The following PXDN variants were observed in gnomAD, a reference collection of about 807,000 sequenced individuals.
PXDN encodes peroxidasin.
A neutral mutation model predicts 140.3 loss-of-function variants in PXDN; 77 were observed. The observed-to-expected ratio is 0.55, with a 90% CI of 0.46 to 0.66. The LOEUF (loss-of-function observed/expected upper bound fraction) is 0.66, where lower values mean the gene tolerates loss of function less well. Ranked by LOEUF, PXDN falls within the 30% of genes least tolerant of loss-of-function variation. The probability of loss-of-function intolerance (pLI) is 0.00; values close to 1 mark genes in which losing one functional copy is unlikely to be tolerated. For missense variants in PXDN, 1,838 were observed against 2,039.5 expected (o/e 0.90, Z 1.90); for synonymous variants, 911 against 857.4 (o/e 1.06, Z -1.09).
chr2:1,649,315 C>A lies in PXDN; in HGVS notation c.2465G>T (p.Gly822Val). The A allele has an allele frequency of 6.2e-7, 1 of 1,613,698 alleles. No homozygotes were observed. Among genetic ancestry groups the A allele is most frequent in the South Asian group, 1.1e-5 (1 of 91,064 alleles). ...GTCGAGGTCGTGGTCCAGGAACTGG[C>A]CCCACTGCATCAGCATGTGGGTGAA... is the stretch of plus-strand genomic sequence containing the variant. ...EQFTHMLMQWGQFLDHDLDST... is the reference protein window; with the variant it reads ...EQFTHMLMQWVQFLDHDLDST... The change falls in exon 17 of 23, where the codon GGC becomes GTC. Residue 822 changes from glycine to valine, a missense_variant. Around this residue, in one of 5 missense-constraint regions of PXDN, gnomAD observed 12 missense variants for 34.2 expected, o/e 0.35. Coordinates refer to ENST00000252804, the MANE Select transcript of PXDN (RefSeq NM_012293.3). The surrounding 1 kb of genome is among the most constrained non-coding windows in gnomAD (Gnocchi z 7.1).
chr2:1,683,540 T>G, intron 6 of PXDN, 116 bp downstream of exon 6: 2 of 934,448 alleles, frequency 2.1e-6, no homozygotes, highest in East Asian at 2.7e-5. Flanking sequence ...ATTCTCATTC[T>G]TTCAGAATCA....
chr2:1,650,137 T>C (rs1215476193), intron 16 of PXDN, among the ~76,000 whole-genome samples: 2 of 152,190 alleles, frequency 1.3e-5, no homozygotes, highest in African/African-American at 4.8e-5. Flanking sequence ...CTGACACCTG[T>C]CACTGCACAT....
Position 1,660,421 on chromosome 2 carries a change from T to C in PXDN, c.1837+460A>G, listed in dbSNP as rs1339683543. On this transcript the variant is annotated intron_variant, in intron 14 of 22. Transcript: ENST00000252804. This position sits in a 1 kb window ranked among gnomAD's most constrained non-coding sequence, Gnocchi z 4.6. Reference sequence around the variant, plus strand: ...CTATGTAAGGCTGCCTACGAGCACCTAGAGGTTCCCACTGAAAGATGCTTC... The same window carrying C: ...CTATGTAAGGCTGCCTACGAGCACCCAGAGGTTCCCACTGAAAGATGCTTC... 2.0e-5 allele frequency among the ~76,000 whole-genome samples: 3 copies of C among 152,158 alleles called. No homozygotes were observed. The highest frequency in any genetic ancestry group is 2.0e-4 in the Admixed American group (3 of 15,276).
intron 14 of PXDN, among the ~76,000 whole-genome samples, chr2:1,659,742 A>T (rs1394949755): frequency 6.6e-6 from 1 of 152,262 alleles, no homozygotes; most frequent in Non-Finnish European, 1.5e-5. Flanking sequence ...TTTTACATCA[A>T]CTTTACATTT....
intron 1 of PXDN, among the ~76,000 whole-genome samples, chr2:1,696,870 TGA>T (rs1223204081): frequency 6.6e-6 from 1 of 152,168 alleles, no homozygotes; most frequent in Non-Finnish European, 1.5e-5. Context: ...GCTCCATCCC[TGA>T]GAGACAAGCT....
chr2:1,713,465 A>G (rs11682497), intron 1 of PXDN, among the ~76,000 whole-genome samples: 59,329 of 152,012 alleles, frequency 0.39, 12,792 homozygotes, highest in East Asian at 0.91. Flanking sequence ...CCACCTGGAA[A>G]ACCCATTCCA....
chr2:1,693,321 A>G (rs1439888903), intron 1 of PXDN, among the ~76,000 whole-genome samples, 187 bp from the exon 2 acceptor site: 5 of 152,242 alleles, frequency 3.3e-5, no homozygotes, highest in Non-Finnish European at 7.3e-5. Context: ...TGAATGGTGG[A>G]ACACCAGTAA....
chr2:1,644,020 C>T (rs1486296174), intron 18 of PXDN, among the ~76,000 whole-genome samples: 9 of 118,626 alleles, frequency 7.6e-5, no homozygotes, highest in East Asian at 5.8e-4. Flanking sequence ...TGCAGTGAGT[C>T]GAGATCGCGC....
intron 1 of PXDN, among the ~76,000 whole-genome samples, chr2:1,743,831 G>T (rs1685617418): frequency 6.8e-6 from 1 of 147,262 alleles, no homozygotes; most frequent in Non-Finnish European, 1.5e-5. Context: ...GGGGGACCGA[G>T]GGGTCCTGAG....
In PXDN at chr2:1,649,175, C is replaced by A. The variant is rs1228779459; in HGVS notation, c.2605G>T (p.Ala869Ser). ...SVMIPPNDSR[A>S]RSGARCMFFV... ...AACATGCAGCGGGCCCCGCTCCTGGCCCGGGAGTCATTGGGGGGGATCATG... is the reference window on the plus strand; with the variant it reads ...AACATGCAGCGGGCCCCGCTCCTGGACCGGGAGTCATTGGGGGGGATCATG... The change falls in exon 17 of 23, where the codon GCC (alanine) becomes TCC (serine). Residue 869 changes from alanine (A) to serine (S), a missense_variant. This residue lies in a region of PXDN where 850 missense variants were observed against 894.1 expected (regional missense o/e 0.95). Transcript: ENST00000252804. The surrounding 1 kb of genome is among the most constrained non-coding windows in gnomAD (Gnocchi z 7.1). 3 of 1,611,986 alleles carry A rather than the reference C, an allele frequency of 1.9e-6. No individual in the cohort carries two copies. The highest frequency in any genetic ancestry group is 2.5e-6 in the Non-Finnish European group (3 of 1,179,624).
Position 1,633,459 on chromosome 2 carries a change from T to C in PXDN, c.*745A>G, listed in dbSNP as rs1008531900. On this transcript the variant is annotated 3_prime_UTR_variant, in exon 23 of 23. Transcript: ENST00000252804. ...TTCTAAATGTGGCTTATGAATGTTC[T>C]AATCAGGTGTGGAAGGAGCTGACAC... is the stretch of plus-strand genomic sequence containing the variant. 1 of 152,082 alleles carries C rather than the reference T, an allele frequency of 6.6e-6. No individual in the cohort carries two copies. The highest frequency in any genetic ancestry group is 2.4e-5 in the African/African-American group (1 of 41,412). 9.4% of individuals were successfully genotyped at this position (152,082 alleles called of 1,614,324 possible). A position where few individuals can be genotyped will look rare whatever the true frequency, so the allele number is the denominator to read the frequency against.
chr2:1,652,843 C>A (rs1683045523), intron 16 of PXDN, among the ~76,000 whole-genome samples: 1 of 152,068 alleles, frequency 6.6e-6, no homozygotes, highest in Non-Finnish European at 1.5e-5. Context: ...AAGTTATGCT[C>A]AATGAAAACA....
intron 12 of PXDN, 53 bp downstream of exon 12, chr2:1,663,552 C>T (rs891533411): frequency 1.9e-6 from 3 of 1,595,798 alleles, no homozygotes; most frequent in African/African-American, 1.3e-5. Flanking sequence ...TTCTGTGTTT[C>T]CTGATAACCG....
chr2:1,699,195 C>T (rs896703999), intron 1 of PXDN, among the ~76,000 whole-genome samples: 1 of 152,136 alleles, frequency 6.6e-6, no homozygotes, highest in African/African-American at 2.4e-5. Flanking sequence ...GGGACTTTTG[C>T]CATTAGATTC....
rs749982576 is a variant in PXDN, at chr2:1,648,927, G to A, written c.2853C>T (p.Phe951=). The change falls in exon 17 of 23, where the codon TTC becomes TTT. Residue 951 remains phenylalanine (F), a synonymous_variant. Coordinates refer to ENST00000252804, the MANE Select transcript of PXDN (RefSeq NM_012293.3). The surrounding 1 kb of genome is among the most constrained non-coding windows in gnomAD (Gnocchi z 8.9). ...VQRSGKPLLP[F]ATGPPTECMR... ...TGCACTCCGTGGGCGGCCCGGTGGC[G>A]AAGGGGAGCAGCGGCTTCCCGGACC... 6.9e-5 allele frequency: 110 copies of A among 1,603,146 alleles called. No homozygotes were observed. The highest frequency in any genetic ancestry group is 9.2e-5 in the Non-Finnish European group (108 of 1,175,418).
intron 1 of PXDN, among the ~76,000 whole-genome samples, chr2:1,704,627 G>C (rs1194483881): frequency 1.4e-5 from 1 of 70,782 alleles, no homozygotes; most frequent in Non-Finnish European, 2.5e-5. Context: ...TAAAGGGGGG[G>C]ACAACTCCAG....
intron 1 of PXDN, among the ~76,000 whole-genome samples, chr2:1,700,930 G>A (rs1684410363): frequency 6.6e-6 from 1 of 152,080 alleles, no homozygotes; most frequent in Admixed American, 6.6e-5. Flanking sequence ...CTGCTTCAGA[G>A]AGGCAAATAT....
chr2:1,692,700 C>A, intron 2 of PXDN: 1 of 447,934 alleles, frequency 2.2e-6, no homozygotes, highest in Admixed American at 2.4e-5. Flanking sequence ...TCAGAAGAAG[C>A]ACTGTCCTGC....
At chr2:1,733,473 G>A (rs970483529) in intron 1 of PXDN, among the ~76,000 whole-genome samples, 8 of 152,182 alleles carry the variant, frequency 5.3e-5, no homozygotes, top group African/African-American at 9.6e-5. Flanking sequence ...GGCGCAGTGC[G>A]GCTCACGCAT....
Sources: allele counts gnomAD v4.1 joint callset (sites outside exome capture counted in the v4.1 genomes callset), GRCh38; gene constraint gnomAD v4.1.1; regional missense constraint gnomAD v4.1.1; non-coding constraint Gnocchi (gnomAD v3.1); transcripts MANE v1.5; gene names NCBI Gene and HGNC (gene_info 2026-07-23, HGNC 2026-07-21).